AFF1: variants seen among roughly 807,000 people sequenced by gnomAD.
AFF1 encodes the protein ALF transcription elongation factor 1, also known as AF4/FMR2 family member 1.
Under a neutral mutation model 121.7 loss-of-function variants are expected in AFF1, and 48 were observed. The ratio of observed to expected loss-of-function variants is 0.39; its 90% CI spans 0.31 to 0.50. The LOEUF (loss-of-function observed/expected upper bound fraction) is 0.50, where lower values mean the gene tolerates loss of function less well. Ranked by LOEUF, AFF1 falls within the 20% of genes least tolerant of loss-of-function variation. The pLI, the probability that AFF1 is intolerant of heterozygous loss-of-function variation, is 0.76. For missense variants in AFF1, 1,523 were observed against 1,511.7 expected, an observed-to-expected ratio of 1.01 and a Z score of -0.12; for synonymous variants, 613 against 563.0, an observed-to-expected ratio of 1.09 and a Z score of -1.26.
intron 8 of AFF1, among the ~76,000 whole-genome samples, chr4:87,098,958 G>A (rs1413744726): frequency 1.3e-5 from 2 of 152,110 alleles, no homozygotes; most frequent in Non-Finnish European, 1.5e-5. Flanking sequence ...AAATATTTTG[G>A]TAAAGAGCAA....
At chr4:87,020,226 TCA>T (rs1472352423) in intron 2 of AFF1, among the ~76,000 whole-genome samples, 1 of 152,240 alleles carries the variant, frequency 6.6e-6, no homozygotes, top group Non-Finnish European at 1.5e-5. Flanking sequence ...GTACTTCTCT[TCA>T]CAGTTATTTT....
intron 8 of AFF1, among the ~76,000 whole-genome samples, chr4:87,096,298 C>CTTTT (rs10593271): frequency 1.8e-5 from 1 of 57,062 alleles, no homozygotes; most frequent in African/African-American, 7.0e-5. Context: ...TTGTTATTCC[C>CTTTT]TTTTTTTTTT....
At chr4:86,962,470 T>C (rs867330068) in intron 2 of AFF1, among the ~76,000 whole-genome samples, 7 of 152,342 alleles carry the variant, frequency 4.6e-5, no homozygotes, top group South Asian at 2.1e-4. Context: ...TTAATAAATA[T>C]TAATTTTCTT....
chr4:86,974,870 T>C (rs1025812659), intron 2 of AFF1, among the ~76,000 whole-genome samples: 1 of 152,222 alleles, frequency 6.6e-6, no homozygotes, highest in Non-Finnish European at 1.5e-5. Context: ...CCATCGTTTC[T>C]GGTTTCAAAT....
At chr4:86,941,601 A>C (rs1020336360) in intron 1 of AFF1, among the ~76,000 whole-genome samples, 5 of 152,102 alleles carry the variant, frequency 3.3e-5, no homozygotes, top group African/African-American at 4.8e-5. Flanking sequence ...GCAGTGAGCC[A>C]AGATTGTGCC....
rs1006041994 is a variant in AFF1, at chr4:87,137,612, T to C, written c.*1911T>C. On this transcript the variant is annotated 3_prime_UTR_variant, in exon 21 of 21. Coordinates refer to ENST00000395146, the MANE Select transcript of AFF1 (RefSeq NM_001166693.3). ...TGACCGGTTTCATTTATTCATGTTATAAAGCAAAGCCCTGGTCCTTTTTAA... is the reference window on the plus strand; with the variant it reads ...TGACCGGTTTCATTTATTCATGTTACAAAGCAAAGCCCTGGTCCTTTTTAA... 4.3e-6 allele frequency: 1 copy of C among 231,696 alleles called. No homozygotes were observed. The highest frequency in any genetic ancestry group is 2.2e-5 in the African/African-American group (1 of 45,380). 14.4% of individuals were successfully genotyped at this position (231,696 alleles called of 1,614,324 possible).
At chr4:86,987,779 C>G (rs1026634874) in intron 2 of AFF1, among the ~76,000 whole-genome samples, 2 of 152,092 alleles carry the variant, frequency 1.3e-5, no homozygotes, top group Admixed American at 6.5e-5. Flanking sequence ...ATAGTGAAAC[C>G]CCATCTCTAC....
intron 2 of AFF1, among the ~76,000 whole-genome samples, chr4:87,026,177 C>T (rs1560551412): frequency 6.6e-6 from 1 of 151,390 alleles, no homozygotes; most frequent in Non-Finnish European, 1.5e-5. Context: ...TGCACTCCAG[C>T]CTGGGCAACA....
At chr4:86,961,895 G>T (rs1009657456) in intron 2 of AFF1, among the ~76,000 whole-genome samples, 10 of 152,070 alleles carry the variant, frequency 6.6e-5, no homozygotes, top group African/African-American at 2.2e-4. Context: ...TCTACATCCG[G>T]CAGAGGCTTA....
chr4:87,006,984 C>T, intron 2 of AFF1: 1 of 1,068,880 alleles, frequency 9.4e-7, no homozygotes, highest in Non-Finnish European at 1.1e-6. Flanking sequence ...CAAGTGAGCC[C>T]AGAGGCAATT....
chr4:87,052,191 C>T (rs1731336632), intron 4 of AFF1, among the ~76,000 whole-genome samples: 1 of 152,040 alleles, frequency 6.6e-6, no homozygotes, highest in African/African-American at 2.4e-5. Context: ...GAGGATCACT[C>T]CTGGGGAGCC....
At chr4:87,037,256 T>C (rs1729660624) in intron 2 of AFF1, among the ~76,000 whole-genome samples, 1 of 152,178 alleles carries the variant, frequency 6.6e-6, no homozygotes, top group Non-Finnish European at 1.5e-5. Flanking sequence ...AACAAAATGC[T>C]CCCCAAACCA....
At chr4:87,060,255 CAG>C (rs1229957462) in intron 4 of AFF1, among the ~76,000 whole-genome samples, 1 of 152,132 alleles carries the variant, frequency 6.6e-6, no homozygotes, top group East Asian at 1.9e-4. Flanking sequence ...GGAGATTAAT[CAG>C]ATTGTTTTAT....
At chr4:87,059,313 A>G (rs1030376459) in intron 4 of AFF1, among the ~76,000 whole-genome samples, 2 of 152,166 alleles carry the variant, frequency 1.3e-5, no homozygotes, top group African/African-American at 4.8e-5. Flanking sequence ...CTCTCCCTGT[A>G]TCACTTCACA....
chr4:87,047,515 A>C lies in AFF1; in HGVS notation c.980A>C (p.Gln327Pro), dbSNP rs1730832520. 2 of 1,614,106 alleles carry C rather than the reference A, an allele frequency of 1.2e-6. No individual in the cohort carries two copies. The highest frequency in any genetic ancestry group is 1.1e-5 in the South Asian group (1 of 91,088). The change falls in exon 4 of 21, where the codon CAG becomes CCG. Residue 327 changes from glutamine to proline, a missense_variant. Transcript: ENST00000395146. ...CCACTGCCGGAGGACTATCGACAGCAGACCTTTGAAAAAACAGACTTGAAA... is the reference window on the plus strand; with the variant it reads ...CCACTGCCGGAGGACTATCGACAGCCGACCTTTGAAAAAACAGACTTGAAA... ...LKPLPEDYRQ[Q>P]TFEKTDLKVP...
intron 4 of AFF1, chr4:87,047,968 A>G (rs1031596139): frequency 9.0e-5 from 24 of 266,304 alleles, no homozygotes; most frequent in African/African-American, 5.1e-4. Flanking sequence ...GAAGGTTTTC[A>G]GGTGTCTTAT....
intron 11 of AFF1, among the ~76,000 whole-genome samples, chr4:87,110,807 T>C (rs899468582): frequency 2.0e-5 from 3 of 152,108 alleles, no homozygotes; most frequent in Non-Finnish European, 4.4e-5. Context: ...AAAATAATTA[T>C]ATCCTTTTTT....
intron 2 of AFF1, among the ~76,000 whole-genome samples, chr4:87,000,550 C>CT (rs1374364729): frequency 1.3e-5 from 2 of 150,926 alleles, no homozygotes; most frequent in Non-Finnish European, 2.9e-5. Flanking sequence ...TCCTTTGCAA[C>CT]TTTTTTGTAA....
intron 5 of AFF1, among the ~76,000 whole-genome samples, chr4:87,084,585 TAAATAAATAAATAAATAAAA>T (rs1469976187): frequency 2.8e-4 from 41 of 147,906 alleles, no homozygotes; most frequent in Admixed American, 8.1e-4. Context: ...AATAAATAAA[TAAATAAATAAATAAATAAAA>T]AATAAAGAAC....
Sources: allele counts gnomAD v4.1 joint callset (sites outside exome capture counted in the v4.1 genomes callset), GRCh38; gene constraint gnomAD v4.1.1; transcripts MANE v1.5; gene names NCBI Gene and HGNC (gene_info 2026-07-23, HGNC 2026-07-21).